KALRN: variants seen among roughly 807,000 people sequenced by gnomAD.
KALRN encodes kalirin.
Under a neutral mutation model 353.7 loss-of-function variants are expected in KALRN, and 70 were observed. That is an observed-to-expected ratio of 0.20 (90% CI 0.16 to 0.24). KALRN has a LOEUF of 0.24. Ranked by LOEUF, KALRN falls within the 10% of genes least tolerant of loss-of-function variation. The pLI is 1.00. For synonymous variants in KALRN, 1,391 were observed against 1,434.8 expected, an observed-to-expected ratio of 0.97 and a Z score of 0.69; for missense variants, 2,791 against 3,756.7, an observed-to-expected ratio of 0.74 and a Z score of 6.72.
intron 10 of KALRN, among the ~76,000 whole-genome samples, chr3:124,377,216 C>A (rs2086707009): frequency 6.6e-6 from 1 of 152,124 alleles, no homozygotes; most frequent in Non-Finnish European, 1.5e-5. Flanking sequence ...TGATTGATCC[C>A]AATGCTTACA....
At chr3:124,404,211 A>G (rs2091243149) in intron 13 of KALRN, among the ~76,000 whole-genome samples, 1 of 151,186 alleles carries the variant, frequency 6.6e-6, no homozygotes, top group African/African-American at 2.4e-5. Context: ...AGCCTTAAAA[A>G]TAATTGAAAA....
At chr3:124,526,800 G>A (rs2067630726) in intron 33 of KALRN, among the ~76,000 whole-genome samples, 1 of 152,098 alleles carries the variant, frequency 6.6e-6, no homozygotes, top group Admixed American at 6.6e-5. Flanking sequence ...TCCCCCAGAG[G>A]CCAATGAAGG....
intron 1 of KALRN, among the ~76,000 whole-genome samples, chr3:124,086,175 AT>A (rs2060809172): frequency 6.6e-6 from 1 of 151,938 alleles, no homozygotes. Context: ...ATAAGTACAG[AT>A]ATTTCAGTAG....
chr3:124,127,547 T>C (rs1018820651), intron 1 of KALRN, among the ~76,000 whole-genome samples: 5 of 152,022 alleles, frequency 3.3e-5, no homozygotes, highest in African/African-American at 4.8e-5. Flanking sequence ...GAGTTTTAGA[T>C]TAGTAGAAAC....
At chr3:124,550,331 G>A (rs1464844689) in intron 33 of KALRN, among the ~76,000 whole-genome samples, 1 of 152,146 alleles carries the variant, frequency 6.6e-6, no homozygotes, top group African/African-American at 2.4e-5. Flanking sequence ...CAGGGTAAGG[G>A]AAAGAGAATC....
chr3:124,341,658 A>C (rs1037379407), intron 9 of KALRN, among the ~76,000 whole-genome samples: 1 of 152,210 alleles, frequency 6.6e-6, no homozygotes. Context: ...TAGAGGGGTC[A>C]GTTTGAGCTC....
intron 32 of KALRN, among the ~76,000 whole-genome samples, chr3:124,493,380 C>G (rs761070900): frequency 2.0e-5 from 3 of 152,142 alleles, no homozygotes; most frequent in Admixed American, 6.5e-5. Context: ...CCTTCATTCA[C>G]CTATGATAAG....
intron 1 of KALRN, among the ~76,000 whole-genome samples, chr3:124,154,911 A>T (rs1701676651): frequency 6.6e-6 from 1 of 152,210 alleles, no homozygotes. Context: ...ACCAAAACAG[A>T]GATATAGATC....
intron 1 of KALRN, among the ~76,000 whole-genome samples, chr3:124,123,996 C>A (rs528916512): frequency 6.6e-6 from 1 of 152,242 alleles, no homozygotes; most frequent in South Asian, 2.1e-4. Flanking sequence ...GCTAACACAA[C>A]ATCCTTTCTG....
intron 1 of KALRN, among the ~76,000 whole-genome samples, chr3:124,088,557 C>A (rs1269699127): frequency 1.3e-5 from 2 of 152,154 alleles, no homozygotes; most frequent in East Asian, 3.8e-4. Flanking sequence ...AATGCACTAA[C>A]CTTTATGAAG....
Position 124,661,645 on chromosome 3 carries a change from A to G in KALRN, c.6268-206A>G, listed in dbSNP as rs146202255. 1.6e-3 allele frequency among the ~76,000 whole-genome samples: 249 copies of G among 152,314 alleles called. 3 individuals are homozygous for G. Among genetic ancestry groups the G allele is most frequent in the African/African-American group, 5.9e-3 (244 of 41,584 alleles). ...CCCCAACATATGCTCAGTGACTGACATGGAGCCCCTGTGCTGAGGACCAAC... is the reference window on the plus strand; with the variant it reads ...CCCCAACATATGCTCAGTGACTGACGTGGAGCCCCTGTGCTGAGGACCAAC... On this transcript the variant is annotated intron_variant, in intron 44 of 59. Coordinates refer to ENST00000682506, the MANE Select transcript of KALRN (RefSeq NM_001388419.1).
At chr3:124,690,297 G>A (rs946451130) in intron 51 of KALRN, among the ~76,000 whole-genome samples, 3 of 152,120 alleles carry the variant, frequency 2.0e-5, no homozygotes, top group African/African-American at 7.2e-5. Context: ...CAAATATATC[G>A]GTAATTAGTC....
At chr3:124,592,560 A>G (rs762051483) in intron 34 of KALRN, among the ~76,000 whole-genome samples, 2 of 151,380 alleles carry the variant, frequency 1.3e-5, no homozygotes, top group Non-Finnish European at 3.0e-5. Context: ...TTTATTGCAC[A>G]TCTTTTATGT....
At chr3:124,466,034 CTGTGTGTGTGTGTGTGTGTG>C (rs10639598) in intron 25 of KALRN, among the ~76,000 whole-genome samples, 1 of 147,352 alleles carries the variant, frequency 6.8e-6, no homozygotes, top group Non-Finnish European at 1.5e-5. Flanking sequence ...CTCTCTTGCT[CTGTGTGTGTGTGTGTGTGTG>C]TGTGTGTGTG....
chr3:124,674,280 T>C lies in KALRN; in HGVS notation c.6943-84T>C, dbSNP rs569426231. The C allele has an allele frequency of 2.1e-6, 3 of 1,450,632 alleles. No homozygotes were observed. The South Asian group carries it at 4.3e-5, about 21-fold the overall frequency. 89.9% of individuals were successfully genotyped at this position (1,450,632 alleles called of 1,614,324 possible). On this transcript the variant is annotated intron_variant, in intron 48 of 59. Coordinates refer to ENST00000682506, the MANE Select transcript of KALRN (RefSeq NM_001388419.1). ...ACCCTGCTAGTGGGAGATTTGGCCT[T>C]GAACCACTGGGTAGGGTGCAGAGCA...
At chr3:124,531,012 A>AG (rs1382318026) in intron 33 of KALRN, among the ~76,000 whole-genome samples, 1 of 152,208 alleles carries the variant, frequency 6.6e-6, no homozygotes, top group Non-Finnish European at 1.5e-5. Flanking sequence ...TATCCATAGC[A>AG]GGGGGCTCTG....
chr3:124,544,371 G>A (rs2069389062), intron 33 of KALRN, among the ~76,000 whole-genome samples: 1 of 152,174 alleles, frequency 6.6e-6, no homozygotes, highest in African/African-American at 2.4e-5. Flanking sequence ...GACCAGCCTA[G>A]CCAACATGGC....
At chr3:124,160,146 C>T (rs1189934308) in intron 1 of KALRN, among the ~76,000 whole-genome samples, 1 of 150,008 alleles carries the variant, frequency 6.7e-6, no homozygotes, top group Non-Finnish European at 1.5e-5. Context: ...TGAAGTCATA[C>T]TAGATTAGGG....
chr3:124,531,908 G>T (rs1164430484), intron 33 of KALRN, among the ~76,000 whole-genome samples: 3 of 152,180 alleles, frequency 2.0e-5, no homozygotes, highest in Non-Finnish European at 2.9e-5. Context: ...TATGTAGGGG[G>T]TCAGTGCTAA....
Sources: allele counts gnomAD v4.1 joint callset (sites outside exome capture counted in the v4.1 genomes callset), GRCh38; gene constraint gnomAD v4.1.1; transcripts MANE v1.5; gene names NCBI Gene and HGNC (gene_info 2026-07-23, HGNC 2026-07-21).